DMD: variants seen among roughly 807,000 people sequenced by gnomAD.
DMD encodes the protein dystrophin.
A neutral mutation model predicts 330.1 loss-of-function variants in DMD; 63 were observed. The observed-to-expected ratio is 0.19, with a 90% CI of 0.16 to 0.24. The LOEUF is 0.24. Ranked by LOEUF, DMD falls within the 10% of genes least tolerant of loss-of-function variation. DMD has a pLI of 1.00. For missense variants in DMD, 3,344 were observed against 2,684.1 expected (o/e 1.25, Z -5.43); for synonymous variants, 1,223 against 959.8 (o/e 1.27, Z -5.07).
At chrX:31,541,239 G>C (rs781560184) in intron 55 of DMD, among the ~76,000 whole-genome samples, 26 of 111,489 alleles carry the variant, frequency 2.3e-4, no homozygotes, top group African/African-American at 7.8e-4. Context: ...TCTTGGTTCA[G>C]TTATTGAAAA....
chrX:32,225,252 T>C (rs1307172454), intron 43 of DMD, among the ~76,000 whole-genome samples: 1 of 111,706 alleles, frequency 9.0e-6, no homozygotes, highest in Non-Finnish European at 1.9e-5. Flanking sequence ...CAACTCTGCC[T>C]TGAAGTTCAA....
chrX:31,266,911 GCGCCGCCGC>G (rs925751689), intron 62 of DMD: 86 of 1,172,340 alleles, frequency 7.3e-5, no homozygotes, highest in Middle Eastern at 2.5e-4. Context: ...CGAAAGTGGA[GCGCCGCCGC>G]CGCCGCCGCC....
At chrX:33,064,145 T>A (rs1306771136) in intron 1 of DMD, among the ~76,000 whole-genome samples, 4 of 111,276 alleles carry the variant, frequency 3.6e-5, no homozygotes, top group Non-Finnish European at 5.6e-5. Context: ...AGTGATTTCC[T>A]GGTGTAATAA....
chrX:32,441,581 C>T (rs1305111538), intron 27 of DMD, among the ~76,000 whole-genome samples: 2 of 111,305 alleles, frequency 1.8e-5, no homozygotes, highest in African/African-American at 6.5e-5. Context: ...TAAGCACCAA[C>T]ATTGCAGTCT....
Position 32,164,178 on chromosome X carries a change from G to A in DMD, c.6438+52738C>T, listed in dbSNP as rs778190701. Among the ~76,000 whole-genome samples the A allele has an allele frequency of 1.1e-3, 125 of 111,370 alleles. 1 individual carries two copies. Among genetic ancestry groups the A allele is most frequent in the African/African-American group, 3.9e-3 (120 of 30,704 alleles). On this transcript the variant is annotated intron_variant, in intron 44 of 78. Transcript: ENST00000357033. ...CTTGAGCGCAGGAGTTAAGACCAGT[G>A]GTACTGAGGTAGTGAGGTACTGCTA...
intron 52 of DMD, among the ~76,000 whole-genome samples, chrX:31,723,803 A>C (rs2085785347): frequency 9.0e-6 from 1 of 111,196 alleles, no homozygotes; most frequent in African/African-American, 3.3e-5. Context: ...GACCAGGTCA[A>C]ATTCAGCCTC....
rs766149450 is a variant in DMD, at chrX:33,081,961, G to GT, written c.32-61762dup. ...TTCCTGGGGTTTCATGTGGAAAACAGTTTTTTTTTTTTTTCCCTAAAACGG... is the reference window on the plus strand; with the variant it reads ...TTCCTGGGGTTTCATGTGGAAAACAGTTTTTTTTTTTTTTTCCCTAAAACGG... On this transcript the variant is annotated intron_variant, in intron 1 of 78. Transcript: ENST00000357033. Among the ~76,000 whole-genome samples, 968 of 98,735 alleles carry GT rather than the reference G, an allele frequency of 9.8e-3. 6 individuals are homozygous for GT. Among genetic ancestry groups the GT allele is most frequent in the Middle Eastern group, 0.032 (6 of 186 alleles). 85.7% of individuals were successfully genotyped at this position (98,735 alleles called of 115,157 possible).
At chrX:31,765,873 T>C (rs1009936272) in intron 51 of DMD, among the ~76,000 whole-genome samples, 1 of 111,104 alleles carries the variant, frequency 9.0e-6, no homozygotes, top group Non-Finnish European at 1.9e-5. Flanking sequence ...GAGTGCTTTG[T>C]AACATGGGTT....
At chrX:32,572,159 T>C (rs1036323671) in intron 15 of DMD, among the ~76,000 whole-genome samples, 9 of 111,796 alleles carry the variant, frequency 8.1e-5, no homozygotes, top group African/African-American at 2.3e-4. Context: ...AATAATAAGC[T>C]AGCTTGTAAT....
chrX:32,933,272 C>G (rs1296565034), intron 2 of DMD, among the ~76,000 whole-genome samples: 2 of 111,549 alleles, frequency 1.8e-5, no homozygotes, highest in African/African-American at 6.5e-5. Flanking sequence ...TATATTTTGG[C>G]TCAGAGCTCA....
At chrX:32,120,398 G>T (rs1271542405) in intron 44 of DMD, among the ~76,000 whole-genome samples, 2 of 111,809 alleles carry the variant, frequency 1.8e-5, no homozygotes, top group East Asian at 2.8e-4. Flanking sequence ...AAACCCTCCA[G>T]CTGATTCTGA....
intron 2 of DMD, among the ~76,000 whole-genome samples, chrX:32,875,512 T>A (rs1448198083): frequency 8.9e-6 from 1 of 112,257 alleles, no homozygotes; most frequent in Admixed American, 9.5e-5. Context: ...CTAATTTCAC[T>A]TTAATCCAGT....
chrX:32,777,575 T>C (rs757868467), intron 7 of DMD, among the ~76,000 whole-genome samples: 8 of 111,234 alleles, frequency 7.2e-5, no homozygotes, highest in African/African-American at 2.6e-4. Flanking sequence ...ATAAGACCTC[T>C]GAATTCAGGA....
intron 63 of DMD, among the ~76,000 whole-genome samples, chrX:31,251,167 T>C (rs2049323825): frequency 9.2e-6 from 1 of 108,902 alleles, no homozygotes; most frequent in Non-Finnish European, 1.9e-5. Context: ...ATAGCTTCTT[T>C]TTTTTTTTTT....
chrX:32,556,573 A>C (rs2050327788), intron 16 of DMD, among the ~76,000 whole-genome samples: 1 of 112,124 alleles, frequency 8.9e-6, no homozygotes, highest in South Asian at 3.8e-4. Context: ...CTCATCAATG[A>C]TAGACAAGAT....
intron 30 of DMD, among the ~76,000 whole-genome samples, chrX:32,406,679 A>C (rs759965596): frequency 1.8e-5 from 2 of 111,028 alleles, no homozygotes; most frequent in Non-Finnish European, 3.8e-5. Context: ...GGATTTTTGC[A>C]TCGATGTTCA....
chrX:32,716,548 C>T (rs182760231), intron 7 of DMD, among the ~76,000 whole-genome samples: 1 of 111,310 alleles, frequency 9.0e-6, no homozygotes, highest in African/African-American at 3.3e-5. Context: ...CGAGAAAGGA[C>T]TAATACAGAA....
chrX:31,924,767 T>C (rs1385177366), intron 47 of DMD, among the ~76,000 whole-genome samples: 1 of 112,186 alleles, frequency 8.9e-6, no homozygotes, highest in Non-Finnish European at 1.9e-5. Flanking sequence ...TTTTCCAAAA[T>C]GCTTTTTTCT....
At chrX:32,939,317 C>T (rs2090238890) in intron 2 of DMD, among the ~76,000 whole-genome samples, 1 of 108,773 alleles carries the variant, frequency 9.2e-6, no homozygotes, top group Non-Finnish European at 1.9e-5. Context: ...AAGTGAGTGA[C>T]ATTCTAAGAA....
Sources: allele counts gnomAD v4.1 joint callset (sites outside exome capture counted in the v4.1 genomes callset), GRCh38; gene constraint gnomAD v4.1.1; transcripts MANE v1.5; gene names NCBI Gene and HGNC (gene_info 2026-07-23, HGNC 2026-07-21).